The following RSPO2 variants were observed in gnomAD, a reference collection of about 807,000 sequenced individuals.
The protein encoded by RSPO2 is R-spondin-2.
Under a neutral mutation model 30.9 loss-of-function variants are expected in RSPO2, and 14 were observed. That is an observed-to-expected ratio of 0.45 (90% CI 0.30 to 0.71). The LOEUF (loss-of-function observed/expected upper bound fraction) is 0.71, where lower values mean the gene tolerates loss of function less well. Ranked by LOEUF, RSPO2 falls within the 30% of genes least tolerant of loss-of-function variation. The pLI is 0.08. For synonymous variants in RSPO2, 107 were observed against 96.4 expected, an observed-to-expected ratio of 1.11 and a Z score of -0.64; for missense variants, 264 against 301.9, an observed-to-expected ratio of 0.87 and a Z score of 0.93.
In RSPO2 at chr8:108,059,402, T is replaced by G. The variant is rs552104255; in HGVS notation, c.94+23143A>C. Among the ~76,000 whole-genome samples the G allele has an allele frequency of 4.6e-5, 7 of 151,744 alleles. No homozygotes were observed. The South Asian group carries it at 1.5e-3, about 31-fold the overall frequency. The stretch of plus-strand genomic sequence containing the variant: ...AATAGGGACAATTTTACACTGTTGG[T>G]GGGACTGTAAACTAGTTCAACCATT... On this transcript the variant is annotated intron_variant, in intron 2 of 5. Coordinates refer to ENST00000276659, the MANE Select transcript of RSPO2 (RefSeq NM_178565.5).
chr8:107,963,064 T>C (rs1813681577), intron 3 of RSPO2, among the ~76,000 whole-genome samples: 1 of 152,148 alleles, frequency 6.6e-6, no homozygotes, highest in Admixed American at 6.5e-5. Flanking sequence ...CTCTGTAAAG[T>C]CCCTGAGGAC....
chr8:108,025,702 T>A (rs1260885575), intron 2 of RSPO2, among the ~76,000 whole-genome samples: 1 of 151,850 alleles, frequency 6.6e-6, no homozygotes, highest in African/African-American at 2.4e-5. Context: ...ATTTTTTTTT[T>A]AAAGAAAGAG....
At chr8:107,976,704 A>C (rs1814225978) in intron 3 of RSPO2, among the ~76,000 whole-genome samples, 1 of 152,200 alleles carries the variant, frequency 6.6e-6, no homozygotes, top group African/African-American at 2.4e-5. Flanking sequence ...TCCAACCTCT[A>C]ACCTGGAAGC....
At chr8:108,071,472 A>T (rs1812842476) in intron 2 of RSPO2, among the ~76,000 whole-genome samples, 1 of 152,114 alleles carries the variant, frequency 6.6e-6, no homozygotes, top group African/African-American at 2.4e-5. Flanking sequence ...TTTTCAAATT[A>T]CGTAGTTTCT....
intron 2 of RSPO2, among the ~76,000 whole-genome samples, chr8:108,079,723 C>G (rs1296323821): frequency 2.0e-5 from 3 of 151,914 alleles, no homozygotes; most frequent in Non-Finnish European, 4.4e-5. Flanking sequence ...GAATCAGGTC[C>G]CAGGGGTAAG....
chr8:107,932,959 G>T (rs79924096), intron 5 of RSPO2, among the ~76,000 whole-genome samples: 18,312 of 152,224 alleles, frequency 0.12, 1,429 homozygotes, highest in Middle Eastern at 0.3. Context: ...GGATAAGAAA[G>T]TGGCAAGAAG....
chr8:107,957,177 A>G (rs1488431761), intron 5 of RSPO2, among the ~76,000 whole-genome samples: 1 of 152,222 alleles, frequency 6.6e-6, no homozygotes, highest in Non-Finnish European at 1.5e-5. Flanking sequence ...TTTCTGGGCT[A>G]TGGTCATAAA....
intron 5 of RSPO2, 50 bp downstream of exon 5, chr8:107,958,030 G>T: frequency 8.2e-7 from 1 of 1,225,152 alleles, no homozygotes; most frequent in Non-Finnish European, 1.1e-6. Flanking sequence ...TAGGAAGCGG[G>T]AGAATTCAGG....
chr8:108,005,338 A>G (rs1214980677), intron 2 of RSPO2, among the ~76,000 whole-genome samples: 2 of 152,122 alleles, frequency 1.3e-5, no homozygotes, highest in Non-Finnish European at 2.9e-5. Flanking sequence ...TGACATAGTA[A>G]AACTGTATAA....
intron 2 of RSPO2, among the ~76,000 whole-genome samples, chr8:108,070,659 A>C (rs1341458177): frequency 1.3e-5 from 2 of 152,108 alleles, no homozygotes; most frequent in South Asian, 2.1e-4. Flanking sequence ...TTTATATTTA[A>C]CTACCTATTA....
At chr8:107,972,888 G>A (rs1198114347) in intron 3 of RSPO2, among the ~76,000 whole-genome samples, 1 of 152,114 alleles carries the variant, frequency 6.6e-6, no homozygotes, top group East Asian at 1.9e-4. Context: ...TTTAGAGATA[G>A]GATTTACCAT....
chr8:108,023,248 T>C (rs111506145), intron 2 of RSPO2, among the ~76,000 whole-genome samples: 2 of 152,202 alleles, frequency 1.3e-5, no homozygotes, highest in Non-Finnish European at 2.9e-5. Context: ...TAAAATTATA[T>C]CACTTTAAGC....
intron 2 of RSPO2, among the ~76,000 whole-genome samples, chr8:108,055,264 A>G (rs1377617831): frequency 6.6e-6 from 1 of 152,212 alleles, no homozygotes; most frequent in Non-Finnish European, 1.5e-5. Flanking sequence ...ATGAGACAGG[A>G]GGAAGTCAAG....
chr8:108,048,616 C>T (rs1000263645), intron 2 of RSPO2, among the ~76,000 whole-genome samples: 6 of 152,052 alleles, frequency 3.9e-5, no homozygotes, highest in African/African-American at 1.4e-4. Flanking sequence ...TTTCAAAAAA[C>T]CCGCTCCTGG....
intron 2 of RSPO2, among the ~76,000 whole-genome samples, chr8:108,043,287 A>G (rs1480012960): frequency 6.6e-6 from 1 of 152,142 alleles, no homozygotes; most frequent in Non-Finnish European, 1.5e-5. Flanking sequence ...ATGTTTTGTC[A>G]CTTTAAAATC....
chr8:108,073,028 T>C (rs1010209771), intron 2 of RSPO2: 1 of 152,190 alleles, frequency 6.6e-6, no homozygotes, highest in East Asian at 1.9e-4. Context: ...GGAATCTACC[T>C]GCATGTTAAT....
chr8:107,980,384 G>C (rs1814383597), intron 3 of RSPO2, among the ~76,000 whole-genome samples: 1 of 152,084 alleles, frequency 6.6e-6, no homozygotes, highest in Non-Finnish European at 1.5e-5. Flanking sequence ...ATACTGTTGG[G>C]AAAACCATGC....
At chr8:108,061,849 T>G (rs1812477238) in intron 2 of RSPO2, among the ~76,000 whole-genome samples, 2 of 151,888 alleles carry the variant, frequency 1.3e-5, no homozygotes, top group African/African-American at 4.9e-5. Flanking sequence ...CAGACCACAG[T>G]GCAATCAAAC....
intron 2 of RSPO2, among the ~76,000 whole-genome samples, chr8:108,029,664 T>C (rs1387713046): frequency 6.6e-6 from 1 of 152,190 alleles, no homozygotes; most frequent in Non-Finnish European, 1.5e-5. Flanking sequence ...AGAACAATGA[T>C]GACTCAAGGG....
Sources: gnomAD v4.1 joint callset for allele counts (sites outside exome capture counted in the v4.1 genomes callset) on GRCh38, gnomAD v4.1.1 for gene constraint, MANE v1.5 for transcripts, NCBI Gene and HGNC (gene_info 2026-07-23, HGNC 2026-07-21) for gene names.